The following DUSP11 variants were observed in gnomAD, a reference collection of about 807,000 sequenced individuals.
The protein encoded by DUSP11 is dual specificity phosphatase 11.
In DUSP11, 27 loss-of-function variants were observed where a neutral mutation model predicts 41.4. That is an observed-to-expected ratio of 0.65 (90% CI 0.48 to 0.90). The LOEUF (loss-of-function observed/expected upper bound fraction) is 0.90. Among genes scored for constraint, DUSP11 ranks in the 40% least tolerant of loss-of-function variants. The probability of loss-of-function intolerance (pLI) is 0.00; values close to 1 mark genes in which losing one functional copy is unlikely to be tolerated. For synonymous variants in DUSP11, 188 were observed against 159.3 expected (o/e 1.18, Z -1.35); for missense variants, 465 against 461.1 (o/e 1.01, Z -0.08).
intron 1 of DUSP11, among the ~76,000 whole-genome samples, chr2:73,779,317 G>A (rs1486354617): frequency 6.6e-6 from 1 of 152,212 alleles, no homozygotes; most frequent in East Asian, 1.9e-4. Context: ...ATGAGATGGT[G>A]GAGGATGGTC....
intron 5 of DUSP11, chr2:73,767,505 A>G (rs532605363): frequency 8.3e-6 from 2 of 241,460 alleles, no homozygotes; most frequent in Non-Finnish European, 1.6e-5. Flanking sequence ...TGCTTTATAC[A>G]CTAAAAATAG....
intron 7 of DUSP11, 91 bp from the exon 8 acceptor site, chr2:73,766,685 T>G: frequency 4.2e-6 from 6 of 1,426,120 alleles, no homozygotes; most frequent in Non-Finnish European, 5.8e-6. Context: ...AAATAACAAT[T>G]TCTTCCTTCT....
intron 2 of DUSP11, among the ~76,000 whole-genome samples, chr2:73,776,153 G>A (rs1672681460): frequency 6.6e-6 from 1 of 151,894 alleles, no homozygotes; most frequent in East Asian, 2.0e-4. Context: ...GGTGGCTCAA[G>A]CCTGTAATCC....
Position 73,762,969 on chromosome 2 carries a change from A to G in DUSP11, c.936-110T>C, listed in dbSNP as rs1672391735. ...TATTTTAAATTTATAAATTTACAAAATAATATATATTCTACTGTTTCCTAC... is the reference window on the plus strand; with the variant it reads ...TATTTTAAATTTATAAATTTACAAAGTAATATATATTCTACTGTTTCCTAC... On this transcript the variant is annotated intron_variant, in intron 8 of 8. Coordinates refer to ENST00000272444, the Ensembl canonical transcript of DUSP11. The G allele has an allele frequency of 7.0e-6, 3 of 427,240 alleles. No individual in the cohort carries two copies. In the East Asian group the frequency reaches 1.8e-4, roughly 25 times the overall value. The allele number at this position is 427,240 out of a possible 1,614,324, so 26.5% of individuals were successfully genotyped here.
chr2:73,768,186 C>T (rs907917388), intron 5 of DUSP11: 8 of 152,598 alleles, frequency 5.2e-5, no homozygotes, highest in African/African-American at 1.9e-4. Context: ...CAGATATTTG[C>T]TCAGACCTCC....
At chr2:73,780,076 A>T in exon 1 of DUSP11, 1 of 1,591,946 alleles carries the variant, frequency 6.3e-7, no homozygotes, top group Non-Finnish European at 8.6e-7. Context: ...AAGACTCGGC[A>T]GCCACCTACG....
At chr2:73,768,086 T>C (rs1450391267) in intron 5 of DUSP11, 1 of 152,260 alleles carries the variant, frequency 6.6e-6, no homozygotes, top group Non-Finnish European at 1.5e-5. Context: ...CAACACAGTA[T>C]ATATTTTCCT....
chr2:73,771,749 A>G (rs962716836), intron 4 of DUSP11, among the ~76,000 whole-genome samples: 5 of 143,740 alleles, frequency 3.5e-5, no homozygotes, highest in Non-Finnish European at 6.0e-5. Context: ...TGATCTGCCC[A>G]CCTCGGCCTC....
intron 8 of DUSP11, among the ~76,000 whole-genome samples, chr2:73,764,928 T>C (rs1393137767): frequency 6.6e-6 from 1 of 152,122 alleles, no homozygotes; most frequent in African/African-American, 2.4e-5. Context: ...ACTGCACCAC[T>C]GCACTCCAGT....
chr2:73,775,864 T>TAAAAAAAAAAAAA (rs1166863408), intron 2 of DUSP11, among the ~76,000 whole-genome samples: 1 of 52,292 alleles, frequency 1.9e-5, no homozygotes, highest in Non-Finnish European at 3.9e-5. Context: ...AAAAAAAATT[T>TAAAAAAAAAAAAA]AAAAAAAAAA....
intron 3 of DUSP11, among the ~76,000 whole-genome samples, 198 bp from the exon 4 acceptor site, chr2:73,774,121 A>G (rs1246798712): frequency 6.6e-6 from 1 of 152,222 alleles, no homozygotes; most frequent in Non-Finnish European, 1.5e-5. Flanking sequence ...TTTCAATAAA[A>G]CTACATAATA....
At chr2:73,766,668 C>G (rs1672472680) in intron 7 of DUSP11, 74 bp from the exon 8 acceptor site, 1 of 1,477,184 alleles carries the variant, frequency 6.8e-7, no homozygotes, top group Non-Finnish European at 9.2e-7. Flanking sequence ...TATATTTTGG[C>G]ATATGAAAAT....
exon 7 of DUSP11, chr2:73,766,886 C>T: frequency 6.2e-7 from 1 of 1,613,112 alleles, no homozygotes; most frequent in Non-Finnish European, 8.5e-7. Context: ...AAGCAATGTC[C>T]CCGGCACCTA....
exon 4 of DUSP11, chr2:73,773,837 G>T (rs372527171): frequency 6.2e-7 from 1 of 1,606,810 alleles, no homozygotes; most frequent in Non-Finnish European, 8.5e-7. Context: ...CATTAACAGC[G>T]TGTTTGAATT....
At chr2:73,770,985 A>C (rs962103355) in intron 4 of DUSP11, among the ~76,000 whole-genome samples, 1 of 152,058 alleles carries the variant, frequency 6.6e-6, no homozygotes, top group Non-Finnish European at 1.5e-5. Context: ...CTCCCCAGAC[A>C]CCCAATGGCT....
rs371871491 is a variant in DUSP11, at chr2:73,768,493, T to C, written c.635+772A>G. 45 of 985,272 alleles carry C rather than the reference T, an allele frequency of 4.6e-5. 1 individual carries two copies. The Admixed American group carries it at 1.1e-3, about 24-fold the overall frequency. The allele number at this position is 985,272 out of a possible 1,614,324, so 61.0% of individuals were successfully genotyped here. A position where few individuals can be genotyped will look rare whatever the true frequency, so the allele number is the denominator to read the frequency against. On this transcript the variant is annotated intron_variant, in intron 5 of 8. Transcript: ENST00000272444. ...CATCCATAAAAAGCATAACGACACA[T>C]ACTATTTGATTAAGAAATTCTATTT...
intron 2 of DUSP11, 142 bp from the exon 3 acceptor site, chr2:73,775,186 C>A: frequency 1.5e-6 from 1 of 677,066 alleles, no homozygotes; most frequent in Non-Finnish European, 2.3e-6. Flanking sequence ...AGGTATATTA[C>A]AACAATCCTT....
rs759873189 is a variant in DUSP11 at position 73,774,904 on chromosome 2, T to C, written c.450+9A>G. 2 of 1,538,106 alleles carry C rather than the reference T, an allele frequency of 1.3e-6. No individual in the cohort carries two copies. The highest frequency in any genetic ancestry group is 1.8e-6 in the Non-Finnish European group (2 of 1,140,916). ...AAGAAAGTTCTTTTCATTGAAGGGT[T>C]CCACTTACCTCTGGTTTATAATAGC... On this transcript the variant is annotated intron_variant, in intron 3 of 8. Coordinates refer to ENST00000272444, the Ensembl canonical transcript of DUSP11.
At chr2:73,769,221 C>A (rs748093296) in intron 5 of DUSP11, 44 bp downstream of exon 5, 17 of 1,548,888 alleles carry the variant, frequency 1.1e-5, no homozygotes, top group Non-Finnish European at 1.5e-5. Flanking sequence ...TGTAAACAGA[C>A]AAAAACAATT....
Sources: allele counts gnomAD v4.1 joint callset (sites outside exome capture counted in the v4.1 genomes callset), GRCh38; gene constraint gnomAD v4.1.1; transcripts MANE v1.5; gene names NCBI Gene and HGNC (gene_info 2026-07-23, HGNC 2026-07-21).